BCAR3: variants seen among roughly 807,000 people sequenced by gnomAD.
The protein encoded by BCAR3 is BCAR3 adaptor protein, NSP family member.
BCAR3 carries 37 observed loss-of-function variants against 80.1 expected under a neutral mutation model. The ratio of observed to expected loss-of-function variants is 0.46; its 90% CI spans 0.36 to 0.61. BCAR3 has a LOEUF of 0.61. Among genes scored for constraint, BCAR3 ranks in the 20% least tolerant of loss-of-function variants. The pLI, the probability that BCAR3 is intolerant of heterozygous loss-of-function variation, is 0.00. For missense variants in BCAR3, 978 were observed against 1,068.2 expected (o/e 0.92, Z 1.18); for synonymous variants, 389 against 418.9 (o/e 0.93, Z 0.87).
At chr1:93,774,760 G>C (rs989630732) in intron 2 of BCAR3, among the ~76,000 whole-genome samples, 6 of 152,168 alleles carry the variant, frequency 3.9e-5, no homozygotes, top group African/African-American at 1.4e-4. Flanking sequence ...TTTCTATCTG[G>C]TTTCTCACAC....
At chr1:93,708,242 A>T (rs1051262299) in intron 2 of BCAR3, among the ~76,000 whole-genome samples, 2 of 152,218 alleles carry the variant, frequency 1.3e-5, no homozygotes, top group Non-Finnish European at 2.9e-5. Context: ...CTACTCTGAC[A>T]CCAGGCCACT....
At chr1:93,644,206 G>A (rs1341034588) in intron 2 of BCAR3, among the ~76,000 whole-genome samples, 1 of 152,010 alleles carries the variant, frequency 6.6e-6, no homozygotes, top group East Asian at 1.9e-4. Flanking sequence ...TTTTCTTCCA[G>A]GCCCTCCCAA....
At chr1:93,833,375 G>A (rs1444488777) in intron 2 of BCAR3, among the ~76,000 whole-genome samples, 1 of 152,204 alleles carries the variant, frequency 6.6e-6, no homozygotes, top group Non-Finnish European at 1.5e-5. Context: ...CGCTGTGCAT[G>A]CATTGTCATT....
intron 3 of BCAR3, among the ~76,000 whole-genome samples, chr1:93,695,287 T>C (rs1326405177): frequency 6.6e-6 from 1 of 152,122 alleles, no homozygotes; most frequent in Non-Finnish European, 1.5e-5. Flanking sequence ...CCCACAACCC[T>C]GCAGGCCCAC....
chr1:93,682,380 T>G (rs1648823577), upstream of BCAR3, among the ~76,000 whole-genome samples: 1 of 152,120 alleles, frequency 6.6e-6, no homozygotes, highest in Non-Finnish European at 1.5e-5. Flanking sequence ...GTCATAGAAA[T>G]AGTAGAAGGA....
intron 2 of BCAR3, among the ~76,000 whole-genome samples, chr1:93,746,893 C>A (rs1651376675): frequency 6.6e-6 from 1 of 152,186 alleles, no homozygotes; most frequent in Non-Finnish European, 1.5e-5. Flanking sequence ...AAAGCCCTCT[C>A]TTCCCAAGGC....
At chr1:93,670,278 C>T (rs772750805) in intron 2 of BCAR3, among the ~76,000 whole-genome samples, 5 of 152,226 alleles carry the variant, frequency 3.3e-5, no homozygotes, top group Non-Finnish European at 7.4e-5. Context: ...TGGCTTCTGG[C>T]TTTGGCCCTC....
At chr1:93,716,710 C>A (rs527794238) in intron 2 of BCAR3, among the ~76,000 whole-genome samples, 1 of 152,298 alleles carries the variant, frequency 6.6e-6, no homozygotes, top group South Asian at 2.1e-4. Context: ...TCTCCCACAG[C>A]GCCTTGGAGA....
intron 2 of BCAR3, among the ~76,000 whole-genome samples, chr1:93,781,256 T>C (rs1652752258): frequency 6.6e-6 from 1 of 152,228 alleles, no homozygotes; most frequent in Admixed American, 6.5e-5. Flanking sequence ...TTTTCACACA[T>C]GAAATAATAC....
intron 2 of BCAR3, among the ~76,000 whole-genome samples, chr1:93,838,152 G>A (rs1175010172): frequency 1.8e-4 from 28 of 152,164 alleles, no homozygotes; most frequent in Admixed American, 1.8e-3. Context: ...AAAGAATACT[G>A]GAGACTGGGT....
chr1:93,741,189 G>A (rs1651162637), intron 2 of BCAR3, among the ~76,000 whole-genome samples: 1 of 152,176 alleles, frequency 6.6e-6, no homozygotes, highest in Non-Finnish European at 1.5e-5. Flanking sequence ...TTAGTGGTTA[G>A]GCCCCAACAT....
intron 2 of BCAR3, among the ~76,000 whole-genome samples, chr1:93,820,816 G>A (rs1471030047): frequency 2.6e-5 from 4 of 152,054 alleles, no homozygotes; most frequent in Admixed American, 6.5e-5. Context: ...CCCTCTAATC[G>A]TAAGCTTGAT....
At chr1:93,647,698 G>A (rs1052799596) in intron 2 of BCAR3, among the ~76,000 whole-genome samples, 4 of 152,114 alleles carry the variant, frequency 2.6e-5, no homozygotes, top group Admixed American at 6.5e-5. Context: ...GATTTGAAGC[G>A]CTCTCACGTA....
At chr1:93,746,299 AAG>A (rs1335675779) in intron 2 of BCAR3, among the ~76,000 whole-genome samples, 4 of 152,206 alleles carry the variant, frequency 2.6e-5, no homozygotes, top group Admixed American at 2.0e-4. Context: ...GCACTGGGCT[AAG>A]ATGCTACAAG....
intron 3 of BCAR3, among the ~76,000 whole-genome samples, chr1:93,631,178 G>C (rs531558080): frequency 8.5e-5 from 13 of 152,314 alleles, no homozygotes; most frequent in African/African-American, 3.1e-4. Flanking sequence ...TCATCCCCCA[G>C]TCTCTATCTG....
Position 93,825,203 on chromosome 1 carries a change from C to T in BCAR3, c.-63+20364G>A, listed in dbSNP as rs1433061280. 6.0e-5 allele frequency among the ~76,000 whole-genome samples: 8 copies of T among 133,356 alleles called. 2 individuals are homozygous for T. The highest frequency in any genetic ancestry group is 1.8e-4 in the African/African-American group (7 of 39,792). The allele number at this position is 133,356 out of a possible 152,430, so 87.5% of individuals were successfully genotyped here. ...ATACTGGAGTGCTAACGCCTATGTCCCCCACTCAGCCTCAGGGCTCCAATC... is the reference window on the plus strand; with the variant it reads ...ATACTGGAGTGCTAACGCCTATGTCTCCCACTCAGCCTCAGGGCTCCAATC... On this transcript the variant is annotated intron_variant, in intron 2 of 13. Coordinates refer to the BCAR3 transcript ENST00000370244.
chr1:93,591,824 G>A (rs1479470294), intron 4 of BCAR3, among the ~76,000 whole-genome samples: 1 of 152,202 alleles, frequency 6.6e-6, no homozygotes, highest in Admixed American at 6.5e-5. Context: ...TGGGGCAGAG[G>A]CAGCCTTGTT....
intron 2 of BCAR3, among the ~76,000 whole-genome samples, chr1:93,746,291 A>AC (rs1351891470): frequency 6.6e-6 from 1 of 152,212 alleles, no homozygotes; most frequent in East Asian, 1.9e-4. Flanking sequence ...AAAGAGATGC[A>AC]CTGGGCTAAG....
In BCAR3 at chr1:93,810,192, C is replaced by CAAAAAAAA. The variant is rs111305058; in HGVS notation, c.-63+35367_-63+35374dup. ...TGGGTGACAGAGCAAGACTCCATCT[C>CAAAAAAAA]AAAAAAAAAAAAAAAAGAAATTGCT... On this transcript the variant is annotated intron_variant, in intron 2 of 13. Transcript: ENST00000370244. 8.9e-4 allele frequency among the ~76,000 whole-genome samples: 88 copies of CAAAAAAAA among 98,768 alleles called. 2 individuals carry two copies. Among genetic ancestry groups the CAAAAAAAA allele is most frequent in the East Asian group, 2.0e-3 (6 of 2,960 alleles). The allele number at this position is 98,768 out of a possible 152,430, so 64.8% of individuals were successfully genotyped here.
Sources: gnomAD v4.1 joint callset for allele counts (sites outside exome capture counted in the v4.1 genomes callset) on GRCh38, gnomAD v4.1.1 for gene constraint, MANE v1.5 for transcripts, NCBI Gene and HGNC (gene_info 2026-07-23, HGNC 2026-07-21) for gene names.